The following MICAL2 variants were observed in gnomAD, a reference collection of about 807,000 sequenced individuals.
The protein encoded by MICAL2 is microtubule associated monooxygenase, calponin and LIM domain containing 2, also known as [F-actin]-monooxygenase MICAL2.
A neutral mutation model predicts 127.3 loss-of-function variants in MICAL2; 77 were observed. The ratio of observed to expected loss-of-function variants is 0.60; its 90% CI spans 0.50 to 0.73. The LOEUF (loss-of-function observed/expected upper bound fraction) is 0.73, where lower values mean the gene tolerates loss of function less well. Among genes scored for constraint, MICAL2 ranks in the 30% least tolerant of loss-of-function variants. The pLI, the probability that MICAL2 is intolerant of heterozygous loss-of-function variation, is 0.00. For missense variants in MICAL2, 1,351 were observed against 1,434.4 expected (o/e 0.94, Z 0.94); for synonymous variants, 570 against 551.1 (o/e 1.03, Z -0.48).
rs190895714 is a variant in MICAL2, at chr11:12,224,768, C to T, written c.1636C>T (p.Arg546Cys). 5.9e-5 allele frequency: 95 copies of T among 1,614,224 alleles called. No homozygotes were observed. Among genetic ancestry groups the T allele is most frequent in the East Asian group, 8.9e-5 (4 of 44,880 alleles). Residue 546 changes from arginine to cysteine, a missense_variant, in exon 13 of 28, where the codon CGC (arginine) becomes TGC (cysteine). Coordinates refer to ENST00000683283, the MANE Select transcript of MICAL2 (RefSeq NM_001282663.2). The stretch of plus-strand genomic sequence containing the variant: ...CGTCACCGACCTGACCACATCCTGG[C>T]GCAGTGGGTTGGCCCTGTGTGCCAT... Reference protein sequence around the residue: ...VNVTDLTTSWRSGLALCAIIH... With the variant: ...VNVTDLTTSWCSGLALCAIIH...
At chr11:12,266,867 G>T (rs1228805850), downstream of MICAL2, among the ~76,000 whole-genome samples, 1 of 152,178 alleles carries the variant, frequency 6.6e-6, no homozygotes, top group South Asian at 2.1e-4. Flanking sequence ...GGTTTTTCAA[G>T]GTGTCTGACT....
chr11:12,151,395 G>T (rs1853564962), intron 2 of MICAL2, among the ~76,000 whole-genome samples: 1 of 152,116 alleles, frequency 6.6e-6, no homozygotes, highest in Admixed American at 6.5e-5. Flanking sequence ...TTCCCATGTG[G>T]TTGACCTTCA....
intron 29 of MICAL2, among the ~76,000 whole-genome samples, chr11:12,315,750 A>G (rs1196234034): frequency 6.6e-6 from 1 of 152,174 alleles, no homozygotes; most frequent in Non-Finnish European, 1.5e-5. Context: ...GAAATAGGTC[A>G]AGTTGTTTAA....
rs1854396418 is a variant in MICAL2, at chr11:12,204,307, C to T, written c.322C>T (p.Leu108=). 6.2e-7 allele frequency: 1 copy of T among 1,614,150 alleles called. No individual in the cohort carries two copies. Among genetic ancestry groups the T allele is most frequent in the Non-Finnish European group, 8.5e-7 (1 of 1,180,024 alleles). Residue 108 remains leucine (L), a synonymous_variant, in exon 4 of 28, where the codon CTG becomes TTG. Transcript: ENST00000683283. ...GLRTAIELAY[L]GAKVVVVEKR... is the part of the protein sequence containing the mutation. ...GCGCACTGCCATTGAACTTGCCTAC[C>T]TGGGAGCCAAAGTGGTCGTGGTGGA...
At chr11:12,111,637 C>T (rs966774382) in intron 1 of MICAL2, among the ~76,000 whole-genome samples, 1 of 152,118 alleles carries the variant, frequency 6.6e-6, no homozygotes, top group Non-Finnish European at 1.5e-5. Context: ...TATTTGGAAG[C>T]CTGTAGGGCC....
At chr11:12,196,393 G>A (rs1250501189) in intron 3 of MICAL2, among the ~76,000 whole-genome samples, 3 of 152,158 alleles carry the variant, frequency 2.0e-5, no homozygotes, top group African/African-American at 7.2e-5. Flanking sequence ...ACAGTTGGCT[G>A]GATTCCGTGG....
At chr11:12,287,117 C>G (rs1863835648) in exon 3 of MICAL2, 1 of 398,894 alleles carries the variant, frequency 2.5e-6, no homozygotes, top group South Asian at 1.3e-4. Flanking sequence ...AGCTTCCAGT[C>G]TCCAACCCCA....
rs188385926 is a variant in MICAL2, at chr11:12,132,616, G to T, written c.-148-5774G>T. 1.2e-3 allele frequency among the ~76,000 whole-genome samples: 179 copies of T among 152,328 alleles called. 2 individuals carry two copies. The highest frequency in any genetic ancestry group is 4.2e-3 in the African/African-American group (175 of 41,564). ...TTAGCTGCCAGCTGGGCGCTGGGCG[G>T]TGTGGCATTATGAAGCCTGTGTCCT... is the stretch of plus-strand genomic sequence containing the variant. On this transcript the variant is annotated intron_variant, in intron 1 of 27. Transcript: ENST00000683283.
chr11:12,169,678 C>T (rs538689505), intron 3 of MICAL2, among the ~76,000 whole-genome samples: 128 of 152,330 alleles, frequency 8.4e-4, no homozygotes, highest in Non-Finnish European at 1.5e-3. Flanking sequence ...GCCACCACAC[C>T]GTCTATAGCA....
chr11:12,151,680 TG>T (rs1389809577), intron 2 of MICAL2, among the ~76,000 whole-genome samples: 10 of 152,316 alleles, frequency 6.6e-5, no homozygotes, highest in Admixed American at 2.0e-4. Context: ...CTTTGTGCCC[TG>T]GCAGAAGTAG....
intron 2 of MICAL2, among the ~76,000 whole-genome samples, chr11:12,283,681 A>G (rs1469569033): frequency 6.6e-6 from 1 of 152,202 alleles, no homozygotes; most frequent in Non-Finnish European, 1.5e-5. Flanking sequence ...ATGTCACTGA[A>G]ATCTAGACTT....
intron 3 of MICAL2, among the ~76,000 whole-genome samples, chr11:12,179,189 A>G (rs1467750253): frequency 6.6e-6 from 1 of 152,076 alleles, no homozygotes; most frequent in East Asian, 1.9e-4. Flanking sequence ...CTGCCTCACC[A>G]ACCTGTTTCC....
intron 6 of MICAL2, among the ~76,000 whole-genome samples, chr11:12,211,356 G>C (rs539338263): frequency 4.4e-4 from 67 of 152,266 alleles, no homozygotes; most frequent in African/African-American, 1.6e-3. Flanking sequence ...ACTCCAGGCT[G>C]GGTGACAGAG....
At chr11:12,222,245 G>A (rs922488928) in intron 10 of MICAL2, among the ~76,000 whole-genome samples, 1 of 152,156 alleles carries the variant, frequency 6.6e-6, no homozygotes. Context: ...GCTGGCGGGC[G>A]GAGGCAGGCC....
At chr11:12,272,575 G>A (rs1203876283), upstream of MICAL2, among the ~76,000 whole-genome samples, 2 of 152,188 alleles carry the variant, frequency 1.3e-5, no homozygotes, top group Non-Finnish European at 1.5e-5. Flanking sequence ...AGCAAGGCAT[G>A]GAGCTGGGTC....
chr11:12,220,464 G>A lies in MICAL2; in HGVS notation c.1206+6G>A, dbSNP rs754552523. ...TGGGTGACAGCTTGCTTGAGGTACT[G>A]CCTGAGCTCGGAGCCCCCATGTTTC... On this transcript the variant is annotated splice_donor_region_variant and intron_variant, in intron 9 of 27. Coordinates refer to ENST00000683283, the MANE Select transcript of MICAL2 (RefSeq NM_001282663.2). 6.2e-6 allele frequency: 10 copies of A among 1,605,158 alleles called. No homozygotes were observed. In the East Asian group the frequency reaches 6.7e-5, roughly 11 times the overall value.
chr11:12,271,241 C>A (rs1318517592), upstream of MICAL2, among the ~76,000 whole-genome samples: 2 of 152,228 alleles, frequency 1.3e-5, no homozygotes, highest in Non-Finnish European at 2.9e-5. Flanking sequence ...CCTTCTCACC[C>A]ATGACTCCTA....
rs1182788991 is a variant in MICAL2 at position 12,236,179 on chromosome 11, G to T, written c.1998G>T (p.Val666=). The change falls in exon 16 of 28, where the codon GTG becomes GTT. Residue 666 remains valine (V), a splice_region_variant and synonymous_variant. Transcript: ENST00000683283. ...LTFPRKRTPR[V]DGQTGENDMN... is the part of the protein sequence containing the mutation. ...CCCTGCTTTCTTGGCCATTGCAGGT[G>T]GATGGTCAAACCGGAGAGAATGACA... The T allele has an allele frequency of 6.2e-7, 1 of 1,614,144 alleles. No individual in the cohort carries two copies. The highest frequency in any genetic ancestry group is 2.2e-5 in the East Asian group (1 of 44,874).
At chr11:12,156,928 T>C (rs1854254506) in intron 2 of MICAL2, among the ~76,000 whole-genome samples, 1 of 152,238 alleles carries the variant, frequency 6.6e-6, no homozygotes, top group Admixed American at 6.5e-5. Flanking sequence ...ACCTGGGCCT[T>C]CCTCCAGAGC....
Sources: allele counts gnomAD v4.1 joint callset (sites outside exome capture counted in the v4.1 genomes callset), GRCh38; gene constraint gnomAD v4.1.1; transcripts MANE v1.5; gene names NCBI Gene and HGNC (gene_info 2026-07-23, HGNC 2026-07-21).